Variants in PDE10A observed in about 807,000 individuals in gnomAD.
The protein encoded by PDE10A is phosphodiesterase 10A.
In PDE10A, 39 loss-of-function variants were observed where a neutral mutation model predicts 97.7. The ratio of observed to expected loss-of-function variants is 0.40; its 90% CI spans 0.31 to 0.52. The LOEUF is 0.52. PDE10A is among the 20% of genes least tolerant of loss of function. The pLI, the probability that PDE10A is intolerant of heterozygous loss-of-function variation, is 0.56. For synonymous variants in PDE10A, 371 were observed against 376.8 expected (o/e 0.98, Z 0.18); for missense variants, 731 against 1,047.8 (o/e 0.70, Z 4.17).
intron 2 of PDE10A, among the ~76,000 whole-genome samples, chr6:165,530,098 C>T (rs1363693987): frequency 6.6e-6 from 1 of 152,004 alleles, no homozygotes; most frequent in Non-Finnish European, 1.5e-5. Context: ...CCTAGCCTCC[C>T]AGCCTACATC....
At chr6:165,613,163 A>G (rs190540634) in intron 1 of PDE10A, among the ~76,000 whole-genome samples, 29 of 152,346 alleles carry the variant, frequency 1.9e-4, no homozygotes, top group Admixed American at 1.8e-3. Context: ...ACAAAAGGTT[A>G]TATTAGTTTT....
At position 165,655,078 on chromosome 6, in the gene PDE10A, C is replaced by T. The variant is rs545176103; in HGVS notation, c.865+6869G>A. On this transcript the variant is annotated intron_variant, in intron 1 of 21. Coordinates refer to ENST00000539869, the MANE Select transcript of PDE10A (RefSeq NM_001385079.1). The surrounding 1 kb of genome is among the most constrained non-coding windows in gnomAD (Gnocchi z 4.5). Reference sequence around the variant, plus strand: ...TCCGGCTCATAGCACAGAATTCCAGCGGGCCGTCCGTTCGCGTGTCAAACT... The same window carrying T: ...TCCGGCTCATAGCACAGAATTCCAGTGGGCCGTCCGTTCGCGTGTCAAACT... 9.9e-5 allele frequency among the ~76,000 whole-genome samples: 15 copies of T among 152,282 alleles called. No homozygotes were observed. The South Asian group carries it at 1.2e-3, about 13-fold the overall frequency.
chr6:165,476,169 A>G (rs1028547177), intron 3 of PDE10A, among the ~76,000 whole-genome samples: 6 of 152,206 alleles, frequency 3.9e-5, no homozygotes, highest in Admixed American at 3.9e-4. Flanking sequence ...AAAAGAAGAA[A>G]AAAAAAAACC....
intron 1 of PDE10A, among the ~76,000 whole-genome samples, chr6:165,713,933 T>C (rs899544704): frequency 6.6e-6 from 1 of 152,198 alleles, no homozygotes; most frequent in East Asian, 1.9e-4. Flanking sequence ...GTATTTTGGA[T>C]TGAAACACAT....
At chr6:165,700,445 C>T (rs910235312) in intron 1 of PDE10A, among the ~76,000 whole-genome samples, 1 of 152,204 alleles carries the variant, frequency 6.6e-6, no homozygotes, top group African/African-American at 2.4e-5. Context: ...GCACATTTCA[C>T]ACAGGCGAAT....
intron 1 of PDE10A, among the ~76,000 whole-genome samples, chr6:165,747,861 G>A (rs372868908): frequency 2.0e-5 from 3 of 152,180 alleles, no homozygotes; most frequent in African/African-American, 7.2e-5. Flanking sequence ...CTCCTTGCTT[G>A]TTTCTCTTCT....
intron 1 of PDE10A, among the ~76,000 whole-genome samples, chr6:165,833,727 C>G (rs1246470684): frequency 6.6e-6 from 1 of 152,242 alleles, no homozygotes; most frequent in Non-Finnish European, 1.5e-5. Flanking sequence ...TCATGCACAC[C>G]TGGATTGGCA....
At position 165,473,516 on chromosome 6, in the gene PDE10A, C is replaced by A. The variant is rs190844012; in HGVS notation, c.1023+8799G>T. On this transcript the variant is annotated intron_variant, in intron 3 of 21. Coordinates refer to ENST00000539869, the MANE Select transcript of PDE10A (RefSeq NM_001385079.1). Reference sequence around the variant, plus strand: ...GTCCATGGAAAGACATTTTGATATACAGAATAACAACAAGGGCTTATATCA... The same window carrying A: ...GTCCATGGAAAGACATTTTGATATAAAGAATAACAACAAGGGCTTATATCA... Among the ~76,000 whole-genome samples the A allele has an allele frequency of 2.5e-3, 377 of 152,162 alleles. 1 individual carries two copies. Among genetic ancestry groups the A allele is most frequent in the African/African-American group, 8.8e-3 (364 of 41,544 alleles).
intron 1 of PDE10A, among the ~76,000 whole-genome samples, chr6:165,824,471 A>G (rs1325645103): frequency 6.6e-6 from 1 of 152,240 alleles, no homozygotes; most frequent in Non-Finnish European, 1.5e-5. Flanking sequence ...TTTTACTCAT[A>G]ACCTATGTTT....
At chr6:165,410,012 A>C (rs1423459566) in intron 13 of PDE10A, among the ~76,000 whole-genome samples, 1 of 151,920 alleles carries the variant, frequency 6.6e-6, no homozygotes, top group Non-Finnish European at 1.5e-5. Context: ...TATTCTTGAA[A>C]GTATACAACA....
At position 165,661,610 on chromosome 6, in the gene PDE10A, C is replaced by A; in HGVS notation, c.865+337G>T. ...GGTCACAAAGTTGAGTATAAATACG[C>A]GCCGGACAAGTGTGGCCAGAAACGG... On this transcript the variant is annotated intron_variant, in intron 1 of 21. Coordinates refer to ENST00000539869, the MANE Select transcript of PDE10A (RefSeq NM_001385079.1). This position sits in a 1 kb window ranked among gnomAD's most constrained non-coding sequence, Gnocchi z 4.8. 1 of 295,122 alleles carries A rather than the reference C, an allele frequency of 3.4e-6. No individual in the cohort carries two copies. The highest frequency in any genetic ancestry group is 7.0e-5 in the South Asian group (1 of 14,332). 18.3% of individuals were successfully genotyped at this position (295,122 alleles called of 1,614,324 possible). A position where few individuals can be genotyped will look rare whatever the true frequency, so the allele number is the denominator to read the frequency against.
intron 1 of PDE10A, among the ~76,000 whole-genome samples, chr6:165,913,273 TACACACACACACACAC>T (rs58740333): frequency 6.8e-6 from 1 of 148,014 alleles, no homozygotes; most frequent in African/African-American, 2.5e-5. Flanking sequence ...ACTCAACTTG[TACACACACACACACAC>T]ACACACACAC....
chr6:165,817,407 G>A (rs1163323439), intron 1 of PDE10A, among the ~76,000 whole-genome samples: 1 of 152,090 alleles, frequency 6.6e-6, no homozygotes, highest in African/African-American at 2.4e-5. Context: ...CAGAAGAGTT[G>A]GTTCAGGGCA....
intron 1 of PDE10A, among the ~76,000 whole-genome samples, chr6:165,768,692 G>T (rs1464702696): frequency 6.6e-6 from 1 of 152,076 alleles, no homozygotes; most frequent in African/African-American, 2.4e-5. Flanking sequence ...AGGAAGAAAG[G>T]CAGGAAATCA....
rs1490898536 is a variant in PDE10A, at chr6:165,418,049, C to A, written c.1796+586G>T. Among the ~76,000 whole-genome samples the A allele has an allele frequency of 1.3e-5, 2 of 152,004 alleles. No individual in the cohort carries two copies. Among genetic ancestry groups the A allele is most frequent in the African/African-American group, 4.8e-5 (2 of 41,362 alleles). Reference sequence around the variant, plus strand: ...TTTCCAGGTGCGATATGAGCAAGCCCCCATGCCTCCATCAACAAAATAAAC... The same window carrying A: ...TTTCCAGGTGCGATATGAGCAAGCCACCATGCCTCCATCAACAAAATAAAC... On this transcript the variant is annotated intron_variant, in intron 11 of 21. Coordinates refer to ENST00000539869, the MANE Select transcript of PDE10A (RefSeq NM_001385079.1). This position sits in a 1 kb window ranked among gnomAD's most constrained non-coding sequence, Gnocchi z 4.8.
chr6:165,360,710 C>A (rs575132166), intron 18 of PDE10A, among the ~76,000 whole-genome samples: 31 of 152,266 alleles, frequency 2.0e-4, no homozygotes, highest in Non-Finnish European at 4.1e-4. Context: ...CTTGAAAGGG[C>A]CCATATTTGA....
chr6:165,528,935 T>C (rs1448787777), intron 2 of PDE10A, among the ~76,000 whole-genome samples: 1 of 152,158 alleles, frequency 6.6e-6, no homozygotes, highest in Admixed American at 6.5e-5. Context: ...GTTTCTCCCA[T>C]ATTCAGGATT....
At chr6:165,361,524 G>A (rs184002349) in intron 18 of PDE10A, among the ~76,000 whole-genome samples, 1 of 152,300 alleles carries the variant, frequency 6.6e-6, no homozygotes, top group Non-Finnish European at 1.5e-5. Flanking sequence ...TATAGAAATA[G>A]TGTTCTTCCA....
intron 2 of PDE10A, among the ~76,000 whole-genome samples, chr6:165,528,336 C>T (rs1782573452): frequency 1.3e-5 from 2 of 152,210 alleles, no homozygotes; most frequent in Non-Finnish European, 2.9e-5. Flanking sequence ...TCCCCAGCCA[C>T]CCCTGTCATC....
Sources: allele counts gnomAD v4.1 joint callset (sites outside exome capture counted in the v4.1 genomes callset), GRCh38; gene constraint gnomAD v4.1.1; non-coding constraint Gnocchi (gnomAD v3.1); transcripts MANE v1.5; gene names NCBI Gene and HGNC (gene_info 2026-07-23, HGNC 2026-07-21).